The following CNTNAP2 variants were observed in gnomAD, a reference collection of about 807,000 sequenced individuals.
The protein encoded by CNTNAP2 is contactin associated protein 2.
In CNTNAP2, 98 loss-of-function variants were observed where a neutral mutation model predicts 155.2. That is an observed-to-expected ratio of 0.63 (90% CI 0.54 to 0.75). The LOEUF is 0.75. Ranked by LOEUF, CNTNAP2 falls within the 30% of genes least tolerant of loss-of-function variation. The probability of loss-of-function intolerance (pLI) is 0.00; values close to 1 mark genes in which losing one functional copy is unlikely to be tolerated. For missense variants in CNTNAP2, 1,727 were observed against 1,688.1 expected, an observed-to-expected ratio of 1.02 and a Z score of -0.40; for synonymous variants, 651 against 631.2, an observed-to-expected ratio of 1.03 and a Z score of -0.47.
chr7:147,295,591 A>G (rs1805424389), intron 8 of CNTNAP2, among the ~76,000 whole-genome samples: 1 of 152,176 alleles, frequency 6.6e-6, no homozygotes, highest in African/African-American at 2.4e-5. Context: ...TTTATACTAT[A>G]TATGCTGACA....
intron 8 of CNTNAP2, among the ~76,000 whole-genome samples, chr7:147,249,155 T>C (rs966833209): frequency 2.0e-5 from 3 of 152,200 alleles, no homozygotes; most frequent in Non-Finnish European, 2.9e-5. Context: ...ACATGATTGC[T>C]GTAGGAGCCC....
At chr7:148,257,711 G>T (rs939697236) in intron 20 of CNTNAP2, among the ~76,000 whole-genome samples, 3 of 152,198 alleles carry the variant, frequency 2.0e-5, no homozygotes, top group Non-Finnish European at 4.4e-5. Flanking sequence ...GCAGGGGCAA[G>T]TGTCTCTTGC....
At chr7:147,575,148 T>TATTCCCTAGCTTTAG in intron 12 of CNTNAP2, among the ~76,000 whole-genome samples, 1 of 142,790 alleles carries the variant, frequency 7.0e-6, no homozygotes, top group Admixed American at 6.9e-5. Flanking sequence ...TGTGTGTGTG[T>TATTCCCTAGCTTTAG]GTGTATTCCC....
intron 20 of CNTNAP2, among the ~76,000 whole-genome samples, chr7:148,240,174 A>G (rs1007948110): frequency 3.3e-5 from 5 of 152,240 alleles, no homozygotes; most frequent in Non-Finnish European, 4.4e-5. Flanking sequence ...CTGAGTATCT[A>G]CAATATAAAA....
intron 4 of CNTNAP2, among the ~76,000 whole-genome samples, chr7:147,052,221 T>C (rs978295416): frequency 1.3e-5 from 2 of 152,138 alleles, no homozygotes; most frequent in Admixed American, 6.5e-5. Flanking sequence ...TTATATTACA[T>C]AAATATTTCC....
At chr7:147,077,771 C>T (rs186398856) in intron 4 of CNTNAP2, among the ~76,000 whole-genome samples, 60 of 152,122 alleles carry the variant, frequency 3.9e-4, no homozygotes, top group African/African-American at 1.1e-3. Context: ...AATGATAGTA[C>T]CCTCATAATA....
chr7:148,414,196 C>T (rs944818751), intron 23 of CNTNAP2, among the ~76,000 whole-genome samples: 1 of 150,556 alleles, frequency 6.6e-6, no homozygotes, highest in Non-Finnish European at 1.5e-5. Flanking sequence ...CACGCCTCAG[C>T]ATCTTGGCTA....
At chr7:146,797,253 A>G (rs985143626) in intron 2 of CNTNAP2, among the ~76,000 whole-genome samples, 2 of 152,192 alleles carry the variant, frequency 1.3e-5, no homozygotes, top group Non-Finnish European at 2.9e-5. Context: ...GGGACACAGG[A>G]TGGAAAAGCA....
At position 147,178,711 on chromosome 7, in the gene CNTNAP2, T is replaced by C. The variant is rs528666203; in HGVS notation, c.1348+46202T>C. Among the ~76,000 whole-genome samples the C allele has an allele frequency of 2.0e-5, 3 of 152,286 alleles. No homozygotes were observed. The East Asian group carries it at 5.8e-4, about 29-fold the overall frequency. ...CATGGAGGAGAAAATAATGCAAGAA[T>C]AAAGTGCCTTTGACCATATTTAAGC... On this transcript the variant is annotated intron_variant, in intron 8 of 23. Transcript: ENST00000361727.
At chr7:147,363,484 T>A (rs1296432224) in intron 9 of CNTNAP2, among the ~76,000 whole-genome samples, 1 of 152,214 alleles carries the variant, frequency 6.6e-6, no homozygotes, top group African/African-American at 2.4e-5. Flanking sequence ...ATTTCCATAT[T>A]TTTCTAACTG....
intron 13 of CNTNAP2, among the ~76,000 whole-genome samples, chr7:147,817,642 T>C (rs1029729930): frequency 2.6e-5 from 4 of 152,196 alleles, no homozygotes; most frequent in East Asian, 3.9e-4. Context: ...TGGTGGCTCA[T>C]GCCTGTAACC....
chr7:148,249,043 C>T (rs891539347), intron 20 of CNTNAP2, among the ~76,000 whole-genome samples: 2 of 152,120 alleles, frequency 1.3e-5, no homozygotes, highest in Non-Finnish European at 2.9e-5. Context: ...AAGCCTTTGG[C>T]CCCTTTTTAA....
chr7:147,162,809 C>A (rs1213382231), intron 8 of CNTNAP2, among the ~76,000 whole-genome samples: 1 of 152,202 alleles, frequency 6.6e-6, no homozygotes, highest in Non-Finnish European at 1.5e-5. Flanking sequence ...GCCACCCACT[C>A]TCTTACTTAA....
intron 3 of CNTNAP2, among the ~76,000 whole-genome samples, chr7:146,931,652 G>A (rs1408058260): frequency 2.0e-5 from 3 of 150,702 alleles, no homozygotes; most frequent in African/African-American, 7.4e-5. Flanking sequence ...CCAGGAACTG[G>A]TTTTTTGAAA....
chr7:146,482,935 A>G (rs1385680256), intron 1 of CNTNAP2, among the ~76,000 whole-genome samples: 1 of 151,936 alleles, frequency 6.6e-6, no homozygotes, highest in Non-Finnish European at 1.5e-5. Context: ...TTTCTCATTT[A>G]CTATCTCTTC....
At chr7:147,027,429 C>A (rs907431401) in intron 3 of CNTNAP2, among the ~76,000 whole-genome samples, 5 of 152,180 alleles carry the variant, frequency 3.3e-5, no homozygotes, top group African/African-American at 9.7e-5. Context: ...CATATTGCTT[C>A]AATTAAGTCA....
chr7:147,482,253 C>T (rs181627119), intron 10 of CNTNAP2, among the ~76,000 whole-genome samples: 1 of 152,042 alleles, frequency 6.6e-6, no homozygotes, highest in Admixed American at 6.6e-5. Flanking sequence ...AAAGGGGTAG[C>T]TAGGTTAATT....
intron 3 of CNTNAP2, among the ~76,000 whole-genome samples, chr7:146,903,550 T>C (rs532304843): frequency 2.0e-5 from 3 of 152,308 alleles, no homozygotes; most frequent in South Asian, 4.1e-4. Context: ...CATACAAAAT[T>C]AGTGAATTCA....
intron 1 of CNTNAP2, among the ~76,000 whole-genome samples, chr7:146,579,991 C>G (rs1798586689): frequency 6.6e-6 from 1 of 151,942 alleles, no homozygotes; most frequent in Admixed American, 6.6e-5. Flanking sequence ...CCAACCAAGG[C>G]AGCAAGCTCA....
Sources: allele counts gnomAD v4.1 joint callset (sites outside exome capture counted in the v4.1 genomes callset), GRCh38; gene constraint gnomAD v4.1.1; transcripts MANE v1.5; gene names NCBI Gene and HGNC (gene_info 2026-07-23, HGNC 2026-07-21).